KYAT1: variants seen among roughly 807,000 people sequenced by gnomAD.
KYAT1 encodes the protein kynurenine--oxoglutarate transaminase 1.
In KYAT1, 47 loss-of-function variants were observed where a neutral mutation model predicts 52.4. That is an observed-to-expected ratio of 0.90 (90% CI 0.71 to 1.14). The LOEUF is 1.14. Ranked by LOEUF, KYAT1 falls within the 50% of genes most tolerant of loss-of-function variation. The probability of loss-of-function intolerance (pLI) is 0.00; values close to 1 mark genes in which losing one functional copy is unlikely to be tolerated. For missense variants in KYAT1, 480 were observed against 557.9 expected, an observed-to-expected ratio of 0.86 and a Z score of 1.41; for synonymous variants, 212 against 209.6, an observed-to-expected ratio of 1.01 and a Z score of -0.10.
intron 1 of KYAT1, among the ~76,000 whole-genome samples, chr9:128,850,997 C>A (rs1196155499): frequency 6.6e-6 from 1 of 152,144 alleles, no homozygotes; most frequent in Non-Finnish European, 1.5e-5. Context: ...CTGAACTTCT[C>A]CTTATTATCA....
intron 1 of KYAT1, among the ~76,000 whole-genome samples, chr9:128,880,016 C>T (rs977280569): frequency 4.6e-5 from 7 of 152,192 alleles, no homozygotes; most frequent in African/African-American, 1.7e-4. Context: ...TGTAGGAACC[C>T]CCTTCTGGCA....
At chr9:128,876,655 G>A (rs559927126) in intron 1 of KYAT1, among the ~76,000 whole-genome samples, 169 of 149,900 alleles carry the variant, frequency 1.1e-3, no homozygotes, top group African/African-American at 3.4e-3. Flanking sequence ...TCCTGACCTC[G>A]TGATCCGCCT....
chr9:128,869,118 G>C (rs1772152021), intron 1 of KYAT1, among the ~76,000 whole-genome samples: 1 of 152,058 alleles, frequency 6.6e-6, no homozygotes, highest in African/African-American at 2.4e-5. Context: ...GGGATTACAG[G>C]TGGGAGCCAC....
At chr9:128,846,600 CAAAAAAA>C (rs57333664) in intron 1 of KYAT1, 5,256 of 418,660 alleles carry the variant, frequency 0.013, 118 homozygotes, top group African/African-American at 0.11. Flanking sequence ...AAGACTCTAC[CAAAAAAA>C]AAAAAAAAAA....
intron 11 of KYAT1, 148 bp from the exon 12 acceptor site, chr9:128,833,974 A>T: frequency 1.6e-6 from 1 of 644,534 alleles, no homozygotes. Flanking sequence ...TCAGAGGAAC[A>T]AGGCCAGGTG....
chr9:128,858,395 TAAA>T lies in KYAT1; in HGVS notation c.-6-12987_-6-12985del, dbSNP rs59939090. Among the ~76,000 whole-genome samples, 7 of 65,102 alleles carry T rather than the reference TAAA, an allele frequency of 1.1e-4. 1 individual carries two copies. The highest frequency in any genetic ancestry group is 1.7e-4 in the African/African-American group (2 of 11,870). The allele number at this position is 65,102 out of a possible 152,430, so 42.7% of individuals were successfully genotyped here. A position where few individuals can be genotyped will look rare whatever the true frequency, so the allele number is the denominator to read the frequency against. On this transcript the variant is annotated intron_variant, in intron 1 of 12. Transcript: ENST00000302586. The stretch of plus-strand genomic sequence containing the variant: ...CTGGGCAACAGAGTGAGACCATGTA[TAAA>T]AAAAAAAAAAAAAAAAAGCCCGGGC...
At chr9:128,845,634 C>T (rs1339877057) in intron 1 of KYAT1, 12 of 554,320 alleles carry the variant, frequency 2.2e-5, no homozygotes, top group Non-Finnish European at 3.5e-5. Context: ...GCAGCCTCCA[C>T]CTCCCCAACC....
rs2118850701 is a variant in KYAT1, at chr9:128,833,029, T to C, written c.*555A>G. 6.4e-6 allele frequency: 1 copy of C among 156,556 alleles called. No homozygotes were observed. Among genetic ancestry groups the C allele is most frequent in the Admixed American group, 6.2e-5 (1 of 16,026 alleles). The allele number at this position is 156,556 out of a possible 1,614,324, so 9.7% of individuals were successfully genotyped here. Reference sequence around the variant, plus strand: ...TACAGTAACCATTTGTACAAAGTTGTGGGGGTGTCTGAGGTTCTTCTGGGC... The same window carrying C: ...TACAGTAACCATTTGTACAAAGTTGCGGGGGTGTCTGAGGTTCTTCTGGGC... On this transcript the variant is annotated 3_prime_UTR_variant, in exon 13 of 13. Transcript: ENST00000302586.
chr9:128,866,186 T>TA (rs1836345579), intron 1 of KYAT1, among the ~76,000 whole-genome samples: 1 of 152,142 alleles, frequency 6.6e-6, no homozygotes. Context: ...GACAAACAAG[T>TA]AACTGGGCCA....
At chr9:128,841,514 C>A (rs375453461) in intron 3 of KYAT1, among the ~76,000 whole-genome samples, 5 of 150,742 alleles carry the variant, frequency 3.3e-5, no homozygotes. Flanking sequence ...GGCGACAGTG[C>A]GAGACTGTCT....
At chr9:128,879,202 T>G (rs972212481) in intron 1 of KYAT1, among the ~76,000 whole-genome samples, 1 of 151,650 alleles carries the variant, frequency 6.6e-6, no homozygotes, top group African/African-American at 2.4e-5. Context: ...CCCAGCTACT[T>G]GGGAGGCTGA....
At chr9:128,874,502 G>T (rs1278125912) in intron 1 of KYAT1, among the ~76,000 whole-genome samples, 2 of 151,396 alleles carry the variant, frequency 1.3e-5, no homozygotes, top group East Asian at 3.9e-4. Flanking sequence ...TAAAGATGGG[G>T]GTTTTACTAT....
At chr9:128,871,745 A>G (rs925951428) in intron 1 of KYAT1, among the ~76,000 whole-genome samples, 3 of 152,106 alleles carry the variant, frequency 2.0e-5, no homozygotes, top group African/African-American at 7.2e-5. Context: ...GGAGATACAT[A>G]TGTGAGGATG....
chr9:128,859,751 C>T (rs1430242518), intron 1 of KYAT1, among the ~76,000 whole-genome samples: 3 of 151,842 alleles, frequency 2.0e-5, no homozygotes, highest in Non-Finnish European at 2.9e-5. Context: ...CAGGTTCACA[C>T]CATTCTCCTG....
chr9:128,845,553 A>G, intron 1 of KYAT1, 142 bp from the exon 2 acceptor site: 1 of 751,874 alleles, frequency 1.3e-6, no homozygotes, highest in South Asian at 1.7e-5. Context: ...GAGTTTGCAG[A>G]AGGGCAGGTT....
At chr9:128,844,165 G>C (rs1376530712) in intron 2 of KYAT1, among the ~76,000 whole-genome samples, 2 of 152,186 alleles carry the variant, frequency 1.3e-5, no homozygotes, top group Non-Finnish European at 2.9e-5. Flanking sequence ...TGGATGAAGA[G>C]GCTGGTATGT....
At chr9:128,861,882 G>A (rs1235357912) in intron 1 of KYAT1, among the ~76,000 whole-genome samples, 1 of 152,202 alleles carries the variant, frequency 6.6e-6, no homozygotes, top group Non-Finnish European at 1.5e-5. Flanking sequence ...GTCTTGGGAT[G>A]GGAACCATCC....
intron 1 of KYAT1, among the ~76,000 whole-genome samples, chr9:128,868,540 T>G (rs142516614): frequency 6.6e-6 from 1 of 152,090 alleles, no homozygotes; most frequent in East Asian, 1.9e-4. Flanking sequence ...TTTTTTTCTT[T>G]TTTTCCTTTT....
At chr9:128,853,281 T>C (rs1370882090) in intron 1 of KYAT1, among the ~76,000 whole-genome samples, 1 of 152,234 alleles carries the variant, frequency 6.6e-6, no homozygotes, top group Non-Finnish European at 1.5e-5. Context: ...ATTGATTACT[T>C]GGATTTTACC....
Sources: gnomAD v4.1 joint callset for allele counts (sites outside exome capture counted in the v4.1 genomes callset) on GRCh38, gnomAD v4.1.1 for gene constraint, MANE v1.5 for transcripts, NCBI Gene and HGNC (gene_info 2026-07-23, HGNC 2026-07-21) for gene names.